GALNT16: variants seen among roughly 807,000 people sequenced by gnomAD.
GALNT16 encodes polypeptide N-acetylgalactosaminyltransferase 16, also known as UDP-GalNAc:polypeptide N-acetylgalactosaminyltransferase-like protein 1.
GALNT16 carries 40 observed loss-of-function variants against 76.1 expected under a neutral mutation model. That is an observed-to-expected ratio of 0.53 (90% CI 0.41 to 0.68). GALNT16 has a LOEUF of 0.68. GALNT16 is among the 30% of genes least tolerant of loss of function. GALNT16 has a pLI of 0.00. For synonymous variants in GALNT16, 276 were observed against 285.2 expected (o/e 0.97, Z 0.32); for missense variants, 621 against 731.9 (o/e 0.85, Z 1.75).
rs138472217 is a variant in GALNT16, at chr14:69,276,219, C to CA, written c.177+15759dup. On this transcript the variant is annotated intron_variant, in intron 1 of 14. Coordinates refer to ENST00000448469, the MANE Select transcript of GALNT16 (RefSeq NM_001168368.2). ...ACAGCCAAATCATATCATCTGTTTCCAAAAAAAGAAAAAAAAAGAAGACCA... is the reference window on the plus strand; with the variant it reads ...ACAGCCAAATCATATCATCTGTTTCCAAAAAAAAGAAAAAAAAAGAAGACCA... 2.1e-3 allele frequency among the ~76,000 whole-genome samples: 312 copies of CA among 150,280 alleles called. 2 individuals carry two copies. The highest frequency in any genetic ancestry group is 1.9e-3 in the Non-Finnish European group (127 of 67,576).
In GALNT16 at chr14:69,341,548, C is replaced by T. The variant is rs1258602515; in HGVS notation, c.1188-133C>T. ...CATCAGATAAGTGGCCAGGGCTGGA[C>T]ATGGCAGGCTGGAAGTCTCCTGGTC... On this transcript the variant is annotated intron_variant, in intron 11 of 14. Transcript: ENST00000448469. 9.2e-6 allele frequency: 6 copies of T among 652,202 alleles called. No individual in the cohort carries two copies. In the Admixed American group the frequency reaches 9.2e-5, roughly 10 times the overall value. The allele number at this position is 652,202 out of a possible 1,614,324, so 40.4% of individuals were successfully genotyped here. A position where few individuals can be genotyped will look rare whatever the true frequency, so the allele number is the denominator to read the frequency against.
chr14:69,386,210 C>T, the GALNT16 span, among the ~76,000 whole-genome samples: 1 of 152,154 alleles, frequency 6.6e-6, no homozygotes, highest in African/African-American at 2.4e-5. Flanking sequence ...CATGGTGCAG[C>T]CACATTCCAT....
the GALNT16 span, among the ~76,000 whole-genome samples, chr14:69,365,484 C>T: frequency 6.6e-6 from 1 of 152,016 alleles, no homozygotes; most frequent in Non-Finnish European, 1.5e-5. Context: ...GGACATGGAT[C>T]GAGCTGGAGG....
At chr14:69,311,629 T>C (rs1487507971) in intron 1 of GALNT16, among the ~76,000 whole-genome samples, 2 of 152,212 alleles carry the variant, frequency 1.3e-5, no homozygotes, top group Non-Finnish European at 2.9e-5. Context: ...TAATTACTAG[T>C]CACAAACCAC....
intron 12 of GALNT16, among the ~76,000 whole-genome samples, chr14:69,344,315 G>A (rs1186326749): frequency 1.3e-5 from 2 of 152,262 alleles, no homozygotes; most frequent in Admixed American, 6.5e-5. Flanking sequence ...ATGTTTGTGA[G>A]GGTGCTAGTT....
chr14:69,304,090 C>T lies in GALNT16; in HGVS notation c.178-16621C>T, dbSNP rs945973500. ...GGGGTGGGGGTGAGGGATCAGCTCACGTTTAATGATGACACTTTAAAATTG... is the reference window on the plus strand; with the variant it reads ...GGGGTGGGGGTGAGGGATCAGCTCATGTTTAATGATGACACTTTAAAATTG... On this transcript the variant is annotated intron_variant, in intron 1 of 14. Transcript: ENST00000448469. Among the ~76,000 whole-genome samples, 6 of 152,230 alleles carry T rather than the reference C, an allele frequency of 3.9e-5. No individual in the cohort carries two copies. The South Asian group carries it at 1.0e-3, about 26-fold the overall frequency.
At chr14:69,279,013 C>T (rs946007203) in intron 1 of GALNT16, among the ~76,000 whole-genome samples, 1 of 151,726 alleles carries the variant, frequency 6.6e-6, no homozygotes, top group African/African-American at 2.4e-5. Flanking sequence ...CTCACTGCAA[C>T]CTCCGCTTCC....
chr14:69,265,359 C>T (rs1394828364), intron 1 of GALNT16, among the ~76,000 whole-genome samples: 1 of 152,182 alleles, frequency 6.6e-6, no homozygotes, highest in East Asian at 1.9e-4. Flanking sequence ...CAGCAATTTA[C>T]CCCCGAGCTG....
At chr14:69,267,528 A>C (rs144332653) in intron 1 of GALNT16, among the ~76,000 whole-genome samples, 6 of 151,696 alleles carry the variant, frequency 4.0e-5, no homozygotes, top group Non-Finnish European at 7.4e-5. Context: ...TGTGTAGAGC[A>C]GGGATGACTT....
the GALNT16 span, among the ~76,000 whole-genome samples, chr14:69,374,919 C>A: frequency 6.6e-6 from 1 of 152,138 alleles, no homozygotes; most frequent in East Asian, 1.9e-4. Context: ...CAAGACCACT[C>A]ATGATAACTA....
At chr14:69,340,271 C>T (rs990032095) in intron 11 of GALNT16, among the ~76,000 whole-genome samples, 2 of 152,002 alleles carry the variant, frequency 1.3e-5, no homozygotes, top group African/African-American at 4.8e-5. Flanking sequence ...GTTCCAGGAC[C>T]CCCCACGGAT....
intron 1 of GALNT16, among the ~76,000 whole-genome samples, chr14:69,286,718 A>G (rs1250340750): frequency 6.6e-6 from 1 of 152,214 alleles, no homozygotes; most frequent in African/African-American, 2.4e-5. Flanking sequence ...AGTGCACCAA[A>G]AAATCAGGAT....
chr14:69,333,582 T>TG lies in GALNT16; in HGVS notation c.956dup (p.Glu320ArgfsTer4), dbSNP rs763094427. On this transcript the variant is annotated frameshift_variant, in exon 9 of 15. Transcript: ENST00000448469. LOFTEE classifies it high-confidence loss of function. The surrounding 1 kb of genome is among the most constrained non-coding windows in gnomAD (Gnocchi z 4.2). ...AAAGTATGATGCCCAGATGGACATC[T>TG]GGGGGGGAGAGAATTTTGGTGAGTT... 1.2e-5 allele frequency: 19 copies of TG among 1,573,208 alleles called. No homozygotes were observed. The highest frequency in any genetic ancestry group is 2.2e-5 in the South Asian group (2 of 89,828).
downstream of GALNT16, chr14:69,359,234 C>T (rs1418427184): frequency 2.6e-5 from 4 of 152,218 alleles, no homozygotes; most frequent in Non-Finnish European, 5.9e-5. Flanking sequence ...CCCACTGCTA[C>T]AGCACAGAAC....
chr14:69,278,933 T>A (rs941745439), intron 1 of GALNT16, among the ~76,000 whole-genome samples: 3 of 96,306 alleles, frequency 3.1e-5, no homozygotes, highest in Non-Finnish European at 6.0e-5. Context: ...TTTACCTTAA[T>A]TTTTTTTTTT....
chr14:69,360,379 G>A (rs866161334), downstream of GALNT16, among the ~76,000 whole-genome samples: 4 of 151,964 alleles, frequency 2.6e-5, no homozygotes, highest in Admixed American at 6.5e-5. Context: ...AAAAGAAGAG[G>A]CCGATTAGGA....
chr14:69,358,307 G>A (rs1328937670), downstream of GALNT16: 2 of 152,484 alleles, frequency 1.3e-5, no homozygotes, highest in Non-Finnish European at 2.9e-5. Context: ...ATGGCAGGAG[G>A]CTTGCTCCTC....
chr14:69,275,521 A>G (rs528708983), intron 1 of GALNT16, among the ~76,000 whole-genome samples: 6 of 150,414 alleles, frequency 4.0e-5, no homozygotes, highest in Admixed American at 3.3e-4. Flanking sequence ...GGGTGTGTCT[A>G]TGTGTGTGTG....
Position 69,347,190 on chromosome 14 carries a change from C to T in GALNT16, c.1413+9C>T, listed in dbSNP as rs764562208. The T allele has an allele frequency of 1.2e-5, 19 of 1,599,088 alleles. No individual in the cohort carries two copies. Among genetic ancestry groups the T allele is most frequent in the Non-Finnish European group, 1.6e-5 (19 of 1,171,468 alleles). ...ACCCGCAGCCCGCCCAGGTAAGGAC[C>T]TCGGGTAGGAATGGGAGTGGGAGAG... On this transcript the variant is annotated intron_variant, in intron 13 of 14. Coordinates refer to ENST00000448469, the MANE Select transcript of GALNT16 (RefSeq NM_001168368.2).
Sources: allele counts gnomAD v4.1 joint callset (sites outside exome capture counted in the v4.1 genomes callset), GRCh38; gene constraint gnomAD v4.1.1; non-coding constraint Gnocchi (gnomAD v3.1); transcripts MANE v1.5; gene names NCBI Gene and HGNC (gene_info 2026-07-23, HGNC 2026-07-21).